The following ARSB variants were observed in gnomAD, a reference collection of about 807,000 sequenced individuals.
ARSB encodes the protein arylsulfatase B.
In ARSB, 41 loss-of-function variants were observed where a neutral mutation model predicts 50.9. That is an observed-to-expected ratio of 0.81 (90% confidence interval 0.63 to 1.04). The LOEUF is 1.04. Among genes scored for constraint, ARSB ranks in the 50% least tolerant of loss-of-function variants. The pLI is 0.00. For missense variants in ARSB, 672 were observed against 693.3 expected, an observed-to-expected ratio of 0.97 and a Z score of 0.35; for synonymous variants, 269 against 284.8, an observed-to-expected ratio of 0.94 and a Z score of 0.56.
intron 4 of ARSB, among the ~76,000 whole-genome samples, chr5:78,893,051 T>C (rs1285008775): frequency 1.3e-5 from 2 of 152,134 alleles, no homozygotes; most frequent in South Asian, 2.1e-4. Context: ...TGGGAGATAA[T>C]TGAATCACAG....
chr5:78,868,873 G>A (rs1339866536), intron 5 of ARSB, among the ~76,000 whole-genome samples: 1 of 151,074 alleles, frequency 6.6e-6, no homozygotes, highest in Non-Finnish European at 1.5e-5. Context: ...CTGGCAAGTT[G>A]GATAAAGAGT....
chr5:78,789,264 G>A (rs141147855), intron 6 of ARSB, among the ~76,000 whole-genome samples: 2 of 152,328 alleles, frequency 1.3e-5, no homozygotes, highest in African/African-American at 2.4e-5. Context: ...ATTAGTTGCT[G>A]TTAACATTTT....
chr5:78,889,142 A>G (rs1311202870), intron 4 of ARSB, among the ~76,000 whole-genome samples: 3 of 152,238 alleles, frequency 2.0e-5, no homozygotes, highest in Admixed American at 2.0e-4. Context: ...GGTGCGGTCC[A>G]TAAGTTCTAG....
At chr5:78,968,889 G>A (rs1038389191) in intron 2 of ARSB, 117 bp downstream of exon 2, 16 of 1,215,040 alleles carry the variant, frequency 1.3e-5, no homozygotes, top group South Asian at 2.5e-5. Context: ...TTACAGTGCC[G>A]ACTGATTCAC....
intron 6 of ARSB, among the ~76,000 whole-genome samples, chr5:78,814,057 G>T (rs1000310148): frequency 7.2e-6 from 1 of 138,696 alleles, no homozygotes; most frequent in Admixed American, 7.0e-5. Context: ...AGTAAACAAA[G>T]GTTCTGTATT....
At chr5:78,900,733 T>C (rs868840208) in intron 4 of ARSB, among the ~76,000 whole-genome samples, 3 of 152,144 alleles carry the variant, frequency 2.0e-5, no homozygotes, top group South Asian at 2.1e-4. Context: ...TCATGCCCTC[T>C]TCCTTCACCT....
intron 1 of ARSB, among the ~76,000 whole-genome samples, chr5:78,980,630 T>C (rs1043181971): frequency 2.0e-5 from 3 of 152,148 alleles, no homozygotes; most frequent in Non-Finnish European, 2.9e-5. Flanking sequence ...AAGAGTATGT[T>C]ACCATTCATA....
chr5:78,910,837 C>T (rs371316158), intron 4 of ARSB, among the ~76,000 whole-genome samples: 2 of 152,190 alleles, frequency 1.3e-5, no homozygotes, highest in Non-Finnish European at 1.5e-5. Flanking sequence ...GGAACCATCT[C>T]CAGAGCTTCT....
chr5:78,945,305 T>G (rs562076703), intron 4 of ARSB, among the ~76,000 whole-genome samples: 2 of 152,184 alleles, frequency 1.3e-5, no homozygotes, highest in Non-Finnish European at 1.5e-5. Context: ...TGTCCAACAA[T>G]CCCCAGTGAG....
chr5:78,830,264 A>G (rs984977877), intron 6 of ARSB, among the ~76,000 whole-genome samples: 3 of 152,188 alleles, frequency 2.0e-5, no homozygotes, highest in Non-Finnish European at 2.9e-5. Context: ...CTGATGTACA[A>G]ATGGAGTTAT....
At chr5:78,854,492 C>A (rs1561461690) in intron 5 of ARSB, among the ~76,000 whole-genome samples, 1 of 152,130 alleles carries the variant, frequency 6.6e-6, no homozygotes, top group Non-Finnish European at 1.5e-5. Context: ...ACCCATTGAC[C>A]ATTCAGGAAC....
At chr5:78,880,985 G>T (rs113601316) in intron 5 of ARSB, among the ~76,000 whole-genome samples, 22,412 of 152,086 alleles carry the variant, frequency 0.15, 1,731 homozygotes, top group Middle Eastern at 0.2. Flanking sequence ...TAATTCCAGC[G>T]CTTTGGGAGG....
chr5:78,866,844 T>G (rs1353735022), intron 5 of ARSB, among the ~76,000 whole-genome samples: 2 of 152,200 alleles, frequency 1.3e-5, no homozygotes, highest in African/African-American at 4.8e-5. Context: ...ACAGTTCCGG[T>G]CTACGGCTCC....
At chr5:78,984,742 G>A (rs980364294) in intron 1 of ARSB, among the ~76,000 whole-genome samples, 195 bp downstream of exon 1, 1 of 152,028 alleles carries the variant, frequency 6.6e-6, no homozygotes, top group Non-Finnish European at 1.5e-5. Flanking sequence ...GCCAGAGCCG[G>A]GCATGCGCAG....
intron 5 of ARSB, among the ~76,000 whole-genome samples, chr5:78,848,004 C>T (rs1745528907): frequency 6.6e-6 from 1 of 151,656 alleles, no homozygotes. Context: ...CAAAAACCAA[C>T]TTTTAATTTC....
chr5:78,963,184 T>C (rs1218799184), intron 3 of ARSB, among the ~76,000 whole-genome samples: 2 of 152,098 alleles, frequency 1.3e-5, no homozygotes, highest in African/African-American at 4.8e-5. Context: ...TCTCTCTCTC[T>C]CCTCTCCTGC....
At chr5:78,845,529 C>T (rs942163830) in intron 5 of ARSB, among the ~76,000 whole-genome samples, 5 of 152,088 alleles carry the variant, frequency 3.3e-5, no homozygotes, top group African/African-American at 1.2e-4. Flanking sequence ...TCTACAACCT[C>T]GCCAGGATCT....
intron 3 of ARSB, among the ~76,000 whole-genome samples, chr5:78,960,329 T>G (rs1751926592): frequency 6.6e-6 from 1 of 152,108 alleles, no homozygotes; most frequent in African/African-American, 2.4e-5. Flanking sequence ...AAAGTCTTAT[T>G]TTCATTTCTT....
chr5:78,872,721 C>T (rs1260694087), intron 5 of ARSB, among the ~76,000 whole-genome samples: 22 of 143,606 alleles, frequency 1.5e-4, no homozygotes, highest in East Asian at 6.0e-4. Context: ...TGCTAGATGA[C>T]GAGTTAGTGG....
Sources: allele counts gnomAD v4.1 joint callset (sites outside exome capture counted in the v4.1 genomes callset), GRCh38; gene constraint gnomAD v4.1.1; transcripts MANE v1.5; gene names NCBI Gene and HGNC (gene_info 2026-07-23, HGNC 2026-07-21).